The following MYO7B variants were observed in gnomAD, a reference collection of about 807,000 sequenced individuals.
MYO7B encodes unconventional myosin-VIIb.
Under a neutral mutation model 259.7 loss-of-function variants are expected in MYO7B, and 212 were observed. That is an observed-to-expected ratio of 0.82 (90% CI 0.73 to 0.91). The LOEUF is 0.91. MYO7B is among the 40% of genes least tolerant of loss of function. The probability of loss-of-function intolerance (pLI) is 0.00; values close to 1 mark genes in which losing one functional copy is unlikely to be tolerated. For synonymous variants in MYO7B, 1,197 were observed against 1,166.4 expected (o/e 1.03, Z -0.54); for missense variants, 2,732 against 2,813.5 (o/e 0.97, Z 0.66).
At position 127,616,456 on chromosome 2, in the gene MYO7B, G is replaced by A. The variant is rs372284897; in HGVS notation, c.3398+3853G>A. 5.9e-5 allele frequency among the ~76,000 whole-genome samples: 9 copies of A among 152,112 alleles called. No homozygotes were observed. In the South Asian group the frequency reaches 8.3e-4, roughly 14 times the overall value. On this transcript the variant is annotated intron_variant, in intron 26 of 47. Coordinates refer to ENST00000409816, the MANE Select transcript of MYO7B (RefSeq NM_001393586.1). The stretch of plus-strand genomic sequence containing the variant: ...CAACAGTTGAGCAACTTATTCTCCC[G>A]GTTCAAAAACCCAAAGGCCTTGTGA...
rs2104845649 is a variant in MYO7B at position 127,559,771 on chromosome 2, A to G, written c.18+31A>G. The stretch of plus-strand genomic sequence containing the variant: ...AATTGTATGATTTGATCTAGGGGTT[A>G]TTGGTGTAAGTTACTCAAGGCCAAG... On this transcript the variant is annotated intron_variant, in intron 2 of 47. Transcript: ENST00000409816. This position sits in a 1 kb window ranked among gnomAD's most constrained non-coding sequence, Gnocchi z 4.1. 1 of 1,613,518 alleles carries G rather than the reference A, an allele frequency of 6.2e-7. No homozygotes were observed. The highest frequency in any genetic ancestry group is 8.5e-7 in the Non-Finnish European group (1 of 1,179,576).
intron 17 of MYO7B, 92 bp downstream of exon 17, chr2:127,593,038 C>A: frequency 6.9e-7 from 1 of 1,458,360 alleles, no homozygotes; most frequent in South Asian, 1.3e-5. Flanking sequence ...GGGGGTCTCC[C>A]GCTGCCCTCC....
At position 127,573,781 on chromosome 2, in the gene MYO7B, G is replaced by A. The variant is rs1228166254; in HGVS notation, c.593-139G>A. ...TCCTCTTAGCGGGCGCTTGGCTTCC[G>A]TCACTGTCTGGTGCAGCCGTGCCCA... On this transcript the variant is annotated intron_variant, in intron 6 of 47. Coordinates refer to ENST00000409816, the MANE Select transcript of MYO7B (RefSeq NM_001393586.1). 2.4e-5 allele frequency: 28 copies of A among 1,144,594 alleles called. 1 individual carries two copies. The highest frequency in any genetic ancestry group is 4.2e-4 in the Middle Eastern group (2 of 4,732). 70.9% of individuals were successfully genotyped at this position (1,144,594 alleles called of 1,614,324 possible).
chr2:127,609,007 G>A lies in MYO7B; in HGVS notation c.2814+129G>A. 4.0e-6 allele frequency: 5 copies of A among 1,250,232 alleles called. No homozygotes were observed. The highest frequency in any genetic ancestry group is 5.5e-6 in the Non-Finnish European group (5 of 910,210). The allele number at this position is 1,250,232 out of a possible 1,614,324, so 77.4% of individuals were successfully genotyped here. A position where few individuals can be genotyped will look rare whatever the true frequency, so the allele number is the denominator to read the frequency against. On this transcript the variant is annotated intron_variant, in intron 22 of 47. Coordinates refer to ENST00000409816, the MANE Select transcript of MYO7B (RefSeq NM_001393586.1). This position sits in a 1 kb window ranked among gnomAD's most constrained non-coding sequence, Gnocchi z 6.9. The stretch of plus-strand genomic sequence containing the variant: ...GTGGCCAAGTGTGTGCTGCAGCCCT[G>A]CTGGTCCCACACGGAAGAGGGGAGC...
At position 127,574,077 on chromosome 2, in the gene MYO7B, T is replaced by A; in HGVS notation, c.735+15T>A. ...TCTGCCGGCAGGTGAGGCCTCCCCCTTCCCAGGTCGGGAGTTGAGGGAATG... is the reference window on the plus strand; with the variant it reads ...TCTGCCGGCAGGTGAGGCCTCCCCCATCCCAGGTCGGGAGTTGAGGGAATG... On this transcript the variant is annotated intron_variant, in intron 7 of 47. Transcript: ENST00000409816. The A allele has an allele frequency of 6.2e-7, 1 of 1,612,710 alleles. No homozygotes were observed. The highest frequency in any genetic ancestry group is 1.7e-5 in the Admixed American group (1 of 60,002).
chr2:127,572,343 C>T (rs1678672368), intron 6 of MYO7B, among the ~76,000 whole-genome samples: 1 of 147,842 alleles, frequency 6.8e-6, no homozygotes, highest in South Asian at 2.1e-4. Flanking sequence ...CGCTTGAACG[C>T]AGGAGGCAAA....
chr2:127,570,502 G>A (rs967574008), intron 6 of MYO7B, among the ~76,000 whole-genome samples: 6 of 152,216 alleles, frequency 3.9e-5, no homozygotes, highest in Non-Finnish European at 4.4e-5. Context: ...CGGTGACCCC[G>A]GCCTCAGTCT....
chr2:127,549,634 G>A (rs1008214264), intron 1 of MYO7B, among the ~76,000 whole-genome samples: 18 of 152,170 alleles, frequency 1.2e-4, no homozygotes, highest in African/African-American at 4.1e-4. Flanking sequence ...TTTGGGGATC[G>A]AGGAGATGAG....
chr2:127,619,540 G>A (rs868702481), intron 26 of MYO7B, among the ~76,000 whole-genome samples: 61 of 152,112 alleles, frequency 4.0e-4, no homozygotes, highest in African/African-American at 1.5e-3. Flanking sequence ...CAGGAACTCA[G>A]AGAGCCAGCC....
intron 36 of MYO7B, 119 bp from the exon 37 acceptor site, chr2:127,631,087 C>T: frequency 7.1e-7 from 1 of 1,417,704 alleles, no homozygotes; most frequent in Non-Finnish European, 9.4e-7. Flanking sequence ...TCAGGAGGGG[C>T]TTGCGGCAGG....
chr2:127,632,099 G>A, intron 38 of MYO7B, 147 bp from the exon 39 acceptor site: 2 of 987,128 alleles, frequency 2.0e-6, no homozygotes, highest in Admixed American at 3.0e-5. Context: ...GCCTGGCACA[G>A]CTGGCATGGT....
chr2:127,573,547 C>A (rs1268954670), intron 6 of MYO7B, among the ~76,000 whole-genome samples: 1 of 152,218 alleles, frequency 6.6e-6, no homozygotes, highest in East Asian at 1.9e-4. Context: ...CTCTCAGAAG[C>A]TTTACTGCTT....
intron 28 of MYO7B, 148 bp downstream of exon 28, chr2:127,622,249 G>C (rs2105081419): frequency 1.7e-6 from 2 of 1,196,790 alleles, no homozygotes; most frequent in Non-Finnish European, 1.1e-6. Flanking sequence ...CCATGCCAGT[G>C]GTCCCTGTGA....
chr2:127,582,208 G>A (rs1436695458), intron 11 of MYO7B, 96 bp from the exon 12 acceptor site: 15 of 1,507,320 alleles, frequency 1.0e-5, no homozygotes, highest in Non-Finnish European at 1.3e-5. Flanking sequence ...AACATCCACA[G>A]TAGGTCCAAG....
In MYO7B at chr2:127,627,107, CA is replaced by C. The variant is rs747656392; in HGVS notation, c.4333+16del. On this transcript the variant is annotated intron_variant, in intron 32 of 47. Coordinates refer to ENST00000409816, the MANE Select transcript of MYO7B (RefSeq NM_001393586.1). This position sits in a 1 kb window ranked among gnomAD's most constrained non-coding sequence, Gnocchi z 5.6. ...CACACTCTCAGGTAATGGCATCTGA[CA>C]GGGGGCAGGGAGCAGGTATGGGCTG... The C allele has an allele frequency of 2.5e-6, 4 of 1,607,526 alleles. No individual in the cohort carries two copies. Among genetic ancestry groups the C allele is most frequent in the Admixed American group, 3.4e-5 (2 of 59,056 alleles).
intron 19 of MYO7B, among the ~76,000 whole-genome samples, chr2:127,604,489 A>G (rs557428356): frequency 6.6e-6 from 1 of 152,296 alleles, no homozygotes; most frequent in Non-Finnish European, 1.5e-5. Context: ...CTCATCATTC[A>G]TGTGTTCACT....
intron 28 of MYO7B, among the ~76,000 whole-genome samples, chr2:127,622,376 C>G (rs74373465): frequency 0.022 from 3,277 of 152,266 alleles, 45 homozygotes; most frequent in Admixed American, 0.028. Flanking sequence ...TTACAGTGCG[C>G]CAGTTGCTTC....
intron 47 of MYO7B, 99 bp from the exon 48 acceptor site, chr2:127,637,217 G>A: frequency 2.0e-6 from 2 of 977,740 alleles, no homozygotes; most frequent in Non-Finnish European, 3.2e-6. Context: ...TCCATGCCCT[G>A]CACTGCTGGT....
At position 127,609,568 on chromosome 2, in the gene MYO7B, G is replaced by T; in HGVS notation, c.2877G>T (p.Glu959Asp). 5.6e-6 allele frequency: 9 copies of T among 1,614,000 alleles called. No homozygotes were observed. Among genetic ancestry groups the T allele is most frequent in the Non-Finnish European group, 6.8e-6 (8 of 1,179,876 alleles). The change falls in exon 23 of 48, where the codon GAG becomes GAT. Residue 959 changes from glutamate (E) to aspartate (D), a missense_variant. Physicochemically the swap from Glu to Asp is conservative, Grantham distance 45. Transcript: ENST00000409816. The surrounding 1 kb of genome is among the most constrained non-coding windows in gnomAD (Gnocchi z 6.9). ...EVDLDTVPMA[E>D]EPEEDVDGLA... ...ACCTGGACACAGTCCCCATGGCGGA[G>T]GAGCCTGAGGAGGATGTGGATGGCC...
Sources: gnomAD v4.1 joint callset for allele counts (sites outside exome capture counted in the v4.1 genomes callset) on GRCh38, gnomAD v4.1.1 for gene constraint, Gnocchi (gnomAD v3.1) non-coding constraint, MANE v1.5 for transcripts, NCBI Gene and HGNC (gene_info 2026-07-23, HGNC 2026-07-21) for gene names.